STK39: variants seen among roughly 807,000 people sequenced by gnomAD.
The protein encoded by STK39 is serine/threonine kinase 39.
In STK39, 20 loss-of-function variants were observed where a neutral mutation model predicts 77.8. That is an observed-to-expected ratio of 0.26 (90% CI 0.18 to 0.37). The LOEUF (loss-of-function observed/expected upper bound fraction) is 0.37. Among genes scored for constraint, STK39 ranks in the 10% least tolerant of loss-of-function variants. The pLI, the probability that STK39 is intolerant of heterozygous loss-of-function variation, is 1.00. For missense variants in STK39, 479 were observed against 656.5 expected (o/e 0.73, Z 2.95); for synonymous variants, 246 against 234.1 (o/e 1.05, Z -0.47).
At chr2:168,235,186 T>G (rs570647332) in intron 1 of STK39, among the ~76,000 whole-genome samples, 3 of 152,032 alleles carry the variant, frequency 2.0e-5, no homozygotes, top group Non-Finnish European at 4.4e-5. Flanking sequence ...TACAGGCATG[T>G]GCCACCATGC....
chr2:168,128,183 C>T (rs1243098925), intron 10 of STK39, among the ~76,000 whole-genome samples: 1 of 151,838 alleles, frequency 6.6e-6, no homozygotes, highest in South Asian at 2.1e-4. Flanking sequence ...AGTGTGGGCC[C>T]AAAAATAAGA....
intron 17 of STK39, among the ~76,000 whole-genome samples, chr2:167,959,008 G>C (rs559939690): frequency 6.6e-6 from 1 of 152,194 alleles, no homozygotes; most frequent in African/African-American, 2.4e-5. Flanking sequence ...TTAAGTACTG[G>C]GTTACTGTCA....
At chr2:167,971,199 T>C (rs1180414227) in intron 16 of STK39, among the ~76,000 whole-genome samples, 1 of 152,110 alleles carries the variant, frequency 6.6e-6, no homozygotes. Flanking sequence ...TGGATTTGTG[T>C]TTTGAGTTCT....
At chr2:168,211,166 T>G (rs1438684782) in intron 1 of STK39, among the ~76,000 whole-genome samples, 1 of 152,170 alleles carries the variant, frequency 6.6e-6, no homozygotes, top group Non-Finnish European at 1.5e-5. Flanking sequence ...GCTATAAATC[T>G]AGACAATAAA....
chr2:167,955,170 AT>A lies in STK39; in HGVS notation c.*325del. 1 of 183,452 alleles carries A rather than the reference AT, an allele frequency of 5.5e-6. No homozygotes were observed. Among genetic ancestry groups the A allele is most frequent in the South Asian group, 1.5e-4 (1 of 6,552 alleles). The allele number at this position is 183,452 out of a possible 1,614,324, so 11.4% of individuals were successfully genotyped here. ...ATAAGACCACCTGAGTGTATTTCAG[AT>A]TCTTTTCACTTAAGGGATATCCAAA... On this transcript the variant is annotated 3_prime_UTR_variant, in exon 18 of 18. Transcript: ENST00000355999.
At chr2:168,227,838 T>C (rs2105254129) in intron 1 of STK39, among the ~76,000 whole-genome samples, 1 of 143,482 alleles carries the variant, frequency 7.0e-6, no homozygotes, top group African/African-American at 2.5e-5. Flanking sequence ...TTTGTATTTT[T>C]AGTAGAGATG....
At chr2:168,020,440 G>A (rs1417412951) in intron 14 of STK39, among the ~76,000 whole-genome samples, 7 of 152,020 alleles carry the variant, frequency 4.6e-5, no homozygotes, top group African/African-American at 1.7e-4. Flanking sequence ...CTGAATATGT[G>A]TGAAAGAGTG....
chr2:168,161,636 A>C, intron 5 of STK39, 151 bp downstream of exon 5: 2 of 539,258 alleles, frequency 3.7e-6, no homozygotes, highest in Non-Finnish European at 6.3e-6. Flanking sequence ...AATAAGGAAA[A>C]TATGTTATCC....
intron 5 of STK39, among the ~76,000 whole-genome samples, chr2:168,144,044 G>A (rs141129961): frequency 2.4e-4 from 36 of 152,280 alleles, no homozygotes; most frequent in Admixed American, 1.0e-3. Context: ...TCACCTTTGC[G>A]TAATTTGATT....
At chr2:168,044,879 C>T (rs139508309) in intron 14 of STK39, among the ~76,000 whole-genome samples, 276 of 152,228 alleles carry the variant, frequency 1.8e-3, no homozygotes, top group African/African-American at 6.3e-3. Context: ...TTCCAACAGA[C>T]CCACTGCCAA....
At position 168,206,911 on chromosome 2, in the gene STK39, A is replaced by G. The variant is rs79675839; in HGVS notation, c.209-24821T>C. 1.4e-4 allele frequency among the ~76,000 whole-genome samples: 21 copies of G among 152,342 alleles called. No homozygotes were observed. The East Asian group carries it at 4.1e-3, about 29-fold the overall frequency. On this transcript the variant is annotated intron_variant, in intron 1 of 17. Coordinates refer to ENST00000355999, the MANE Select transcript of STK39 (RefSeq NM_013233.3). ...TAATACCCTGAGAACACAGGCAGGA[A>G]GACTAATGGAAACCTCCATTAAAAC... is the stretch of plus-strand genomic sequence containing the variant.
chr2:168,081,467 C>T (rs1021119059), intron 10 of STK39, among the ~76,000 whole-genome samples: 1 of 152,138 alleles, frequency 6.6e-6, no homozygotes, highest in Non-Finnish European at 1.5e-5. Context: ...AATTCCTGTA[C>T]CCCCACTGTA....
chr2:168,145,768 G>C (rs4668025), intron 5 of STK39, among the ~76,000 whole-genome samples: 35,116 of 151,898 alleles, frequency 0.23, 4,445 homozygotes, highest in East Asian at 0.48. Context: ...TCCAGTGCTG[G>C]GGGGGTTCTG....
At chr2:168,120,239 G>A (rs1397200349) in intron 10 of STK39, among the ~76,000 whole-genome samples, 1 of 152,196 alleles carries the variant, frequency 6.6e-6, no homozygotes, top group Non-Finnish European at 1.5e-5. Flanking sequence ...TATGGCTGCA[G>A]TAATTGAGAT....
intron 3 of STK39, 128 bp from the exon 4 acceptor site, chr2:168,164,008 G>A (rs1461875073): frequency 7.4e-6 from 10 of 1,344,004 alleles, no homozygotes; most frequent in Non-Finnish European, 9.9e-6. Flanking sequence ...ATATTCCCAA[G>A]GCAAACAAAC....
intron 14 of STK39, among the ~76,000 whole-genome samples, chr2:168,056,154 T>C (rs1317558498): frequency 6.6e-6 from 1 of 152,220 alleles, no homozygotes; most frequent in Non-Finnish European, 1.5e-5. Flanking sequence ...CTATATTTTT[T>C]TCAAGGAAGA....
intron 1 of STK39, among the ~76,000 whole-genome samples, chr2:168,212,550 T>C (rs1689916892): frequency 6.6e-6 from 1 of 152,214 alleles, no homozygotes; most frequent in Non-Finnish European, 1.5e-5. Context: ...TGGTATAACC[T>C]GATAACTGTT....
chr2:168,221,743 CG>C (rs981935453), intron 1 of STK39, among the ~76,000 whole-genome samples: 2 of 152,058 alleles, frequency 1.3e-5, no homozygotes, highest in Admixed American at 6.6e-5. Flanking sequence ...AAGGTCAGAC[CG>C]TAAAGGGCAC....
At position 168,138,181 on chromosome 2, in the gene STK39, T is replaced by C; in HGVS notation, c.881A>G (p.Glu294Gly). The C allele has an allele frequency of 6.2e-7, 1 of 1,613,858 alleles. No individual in the cohort carries two copies. The highest frequency in any genetic ancestry group is 8.5e-7 in the Non-Finnish European group (1 of 1,179,902). Residue 294 changes from glutamate to glycine, a missense_variant, in exon 8 of 18, where the codon GAA (glutamate) becomes GGA (glycine). Around this residue, in one of 3 missense-constraint regions of STK39, gnomAD observed 244 missense variants for 296.8 expected, o/e 0.82. Coordinates refer to ENST00000355999, the MANE Select transcript of STK39 (RefSeq NM_013233.3). Reference protein sequence around the residue: ...LTLQNDPPTLETGVEDKEMMK... With the variant: ...LTLQNDPPTLGTGVEDKEMMK... Reference sequence around the variant, plus strand: ...CATTTCTTTATCCTCTACCCCTGTTTCCAAAGTGGGTGGATCATTTTGCAA... The same window carrying C: ...CATTTCTTTATCCTCTACCCCTGTTCCCAAAGTGGGTGGATCATTTTGCAA...
Sources: gnomAD v4.1 joint callset for allele counts (sites outside exome capture counted in the v4.1 genomes callset) on GRCh38, gnomAD v4.1.1 for gene constraint, gnomAD v4.1.1 regional missense constraint, MANE v1.5 for transcripts, NCBI Gene and HGNC (gene_info 2026-07-23, HGNC 2026-07-21) for gene names.